The following RCOR1 variants were observed in gnomAD, a reference collection of about 807,000 sequenced individuals.
The protein encoded by RCOR1 is REST corepressor 1.
A neutral mutation model predicts 64.0 loss-of-function variants in RCOR1; 12 were observed. That is an observed-to-expected ratio of 0.19 (90% CI 0.12 to 0.30). The LOEUF (loss-of-function observed/expected upper bound fraction) is 0.30. RCOR1 is among the 10% of genes least tolerant of loss of function. The probability of loss-of-function intolerance (pLI) is 1.00; values close to 1 mark genes in which losing one functional copy is unlikely to be tolerated. For missense variants in RCOR1, 502 were observed against 621.2 expected (o/e 0.81, Z 2.04); for synonymous variants, 279 against 227.2 (o/e 1.23, Z -2.05).
rs1893157869 is a variant in RCOR1, at chr14:102,592,912, C to T, written c.26C>T (p.Pro9Leu). 1 of 1,243,440 alleles carries T rather than the reference C, an allele frequency of 8.0e-7. No individual in the cohort carries two copies. The highest frequency in any genetic ancestry group is 2.2e-5 in the South Asian group (1 of 45,496). 77.0% of individuals were successfully genotyped at this position (1,243,440 alleles called of 1,614,324 possible). MPAMVEKGPEVSGKRRGRN... is the reference protein window; with the variant it reads MPAMVEKGLEVSGKRRGRN... ...ATGCCGGCCATGGTGGAGAAGGGCC[C>T]CGAGGTCTCAGGGAAGCGGAGAGGG... Residue 9 changes from proline to leucine, a missense_variant, in exon 1 of 12, where the codon CCC becomes CTC. Pro to Leu is a moderately conservative substitution (Grantham distance 98). Around this residue, in one of 2 missense-constraint regions of RCOR1, gnomAD observed 242 missense variants for 204.9 expected, o/e 1.18. Transcript: ENST00000262241.
chr14:102,608,856 C>T (rs1017017711), intron 2 of RCOR1, among the ~76,000 whole-genome samples: 4 of 151,826 alleles, frequency 2.6e-5, no homozygotes, highest in African/African-American at 9.7e-5. Flanking sequence ...TGAGCCACTA[C>T]ACCTGGCTCA....
At chr14:102,598,573 G>A (rs1595187799) in intron 2 of RCOR1, among the ~76,000 whole-genome samples, 2 of 151,084 alleles carry the variant, frequency 1.3e-5, no homozygotes. Context: ...TCAGCCTCCC[G>A]AGTAGCTGGG....
chr14:102,594,725 G>GCTAT (rs1160205322), intron 2 of RCOR1, among the ~76,000 whole-genome samples: 1 of 151,756 alleles, frequency 6.6e-6, no homozygotes, highest in Admixed American at 6.6e-5. Context: ...AGGTGGCCAG[G>GCTAT]CTATATCTCT....
chr14:102,614,719 C>T (rs541363143), intron 2 of RCOR1, among the ~76,000 whole-genome samples: 56 of 151,936 alleles, frequency 3.7e-4, no homozygotes, highest in Non-Finnish European at 6.9e-4. Flanking sequence ...GGCTACAGGG[C>T]CGAACTCTAT....
chr14:102,673,560 C>T (rs1895075397), intron 2 of RCOR1, among the ~76,000 whole-genome samples: 1 of 151,958 alleles, frequency 6.6e-6, no homozygotes, highest in Non-Finnish European at 1.5e-5. Flanking sequence ...TGGTCTCGAT[C>T]TCCTGACCTT....
At chr14:102,692,068 C>T (rs1344189605) in intron 3 of RCOR1, among the ~76,000 whole-genome samples, 1 of 152,168 alleles carries the variant, frequency 6.6e-6, no homozygotes, top group Non-Finnish European at 1.5e-5. Context: ...CGTGTTAGAC[C>T]AGTCTAGTGT....
At chr14:102,705,131 CA>C (rs890869291) in intron 4 of RCOR1, among the ~76,000 whole-genome samples, 7 of 149,264 alleles carry the variant, frequency 4.7e-5, no homozygotes, top group Admixed American at 1.3e-4. Context: ...ACAACAACAA[CA>C]AAAAAAAAGA....
chr14:102,668,895 G>A (rs1011768660), intron 2 of RCOR1, among the ~76,000 whole-genome samples: 10 of 152,076 alleles, frequency 6.6e-5, no homozygotes, highest in Non-Finnish European at 1.0e-4. Context: ...ACTTTATAGC[G>A]TGCCTATGTT....
chr14:102,643,411 C>A, intron 2 of RCOR1: 1 of 594,624 alleles, frequency 1.7e-6, no homozygotes, highest in African/African-American at 2.0e-5. Context: ...AACAGTATAG[C>A]AGTATAGAGA....
intron 2 of RCOR1, among the ~76,000 whole-genome samples, chr14:102,621,218 C>T (rs1461762348): frequency 6.6e-6 from 1 of 151,082 alleles, no homozygotes; most frequent in Non-Finnish European, 1.5e-5. Context: ...GTGATCCTCT[C>T]ACCTTGGCCT....
intron 4 of RCOR1, among the ~76,000 whole-genome samples, chr14:102,704,678 C>T (rs922638040): frequency 1.3e-4 from 20 of 152,380 alleles, no homozygotes; most frequent in East Asian, 7.7e-4. Flanking sequence ...GATCCACTCA[C>T]GTCGGCCTTC....
At position 102,592,967 on chromosome 14, in the gene RCOR1, C is replaced by T. The variant is rs765136644; in HGVS notation, c.81C>T (p.Ala27=). Residue 27 remains alanine, a synonymous_variant, in exon 1 of 12, where the codon GCC becomes GCT. Coordinates refer to ENST00000262241, the MANE Select transcript of RCOR1 (RefSeq NM_015156.4). The part of the protein sequence containing the change: ...GRNNAAASAS[A]AAASAAASAA... Reference sequence around the variant, plus strand: ...ACAACGCGGCCGCCTCCGCCTCCGCCGCCGCCGCCTCCGCCGCCGCCTCGG... The same window carrying T: ...ACAACGCGGCCGCCTCCGCCTCCGCTGCCGCCGCCTCCGCCGCCGCCTCGG... 8.6e-7 allele frequency: 1 copy of T among 1,161,854 alleles called. No individual in the cohort carries two copies. Among genetic ancestry groups the T allele is most frequent in the South Asian group, 3.0e-5 (1 of 33,582 alleles). The allele number at this position is 1,161,854 out of a possible 1,614,324, so 72.0% of individuals were successfully genotyped here.
chr14:102,657,855 A>T, intron 2 of RCOR1: 1 of 983,724 alleles, frequency 1.0e-6, no homozygotes, highest in Non-Finnish European at 1.2e-6. Context: ...AAAAAAAAAA[A>T]AAAGAAGATT....
chr14:102,689,525 C>G (rs1024272538), intron 3 of RCOR1, among the ~76,000 whole-genome samples: 4 of 152,124 alleles, frequency 2.6e-5, no homozygotes, highest in African/African-American at 9.7e-5. Context: ...AGCAAGGTGA[C>G]TTTTGGCTAT....
intron 7 of RCOR1, among the ~76,000 whole-genome samples, chr14:102,712,621 G>A (rs1342978124): frequency 6.9e-6 from 1 of 145,394 alleles, no homozygotes; most frequent in Non-Finnish European, 1.5e-5. Flanking sequence ...ATTCCTGGAA[G>A]TTGTATTGTT....
intron 2 of RCOR1, among the ~76,000 whole-genome samples, chr14:102,667,024 G>A (rs530405206): frequency 1.3e-5 from 2 of 152,112 alleles, no homozygotes; most frequent in South Asian, 4.1e-4. Flanking sequence ...TTTTAACGTG[G>A]AAAGTGATTT....
At chr14:102,629,319 T>A (rs929162430) in intron 2 of RCOR1, among the ~76,000 whole-genome samples, 2 of 152,168 alleles carry the variant, frequency 1.3e-5, no homozygotes, top group African/African-American at 4.8e-5. Context: ...TTTTTTCTCA[T>A]TTACTCTTAT....
intron 2 of RCOR1, among the ~76,000 whole-genome samples, chr14:102,667,510 AATAATAATG>A (rs1894939327): frequency 6.6e-6 from 1 of 151,988 alleles, no homozygotes; most frequent in South Asian, 2.1e-4. Flanking sequence ...CAATAATAAT[AATAATAATG>A]ATAATAATAA....
chr14:102,636,812 A>G (rs889205940), intron 2 of RCOR1, among the ~76,000 whole-genome samples: 1 of 151,844 alleles, frequency 6.6e-6, no homozygotes, highest in Non-Finnish European at 1.5e-5. Context: ...CTCTACTACA[A>G]ATACAAAAAT....
Sources: allele counts gnomAD v4.1 joint callset (sites outside exome capture counted in the v4.1 genomes callset), GRCh38; gene constraint gnomAD v4.1.1; regional missense constraint gnomAD v4.1.1; transcripts MANE v1.5; gene names NCBI Gene and HGNC (gene_info 2026-07-23, HGNC 2026-07-21).